CRYBG1: variants seen among roughly 807,000 people sequenced by gnomAD.
The protein encoded by CRYBG1 is beta/gamma crystallin domain-containing protein 1.
Under a neutral mutation model 189.2 loss-of-function variants are expected in CRYBG1, and 139 were observed. The observed-to-expected ratio is 0.73, with a 90% confidence interval of 0.64 to 0.85. The LOEUF is 0.85. CRYBG1 is among the 40% of genes least tolerant of loss of function. The pLI, the probability that CRYBG1 is intolerant of heterozygous loss-of-function variation, is 0.00. For synonymous variants in CRYBG1, 1,023 were observed against 1,017.1 expected (o/e 1.01, Z -0.11); for missense variants, 2,611 against 2,675.8 (o/e 0.98, Z 0.53).
intron 9 of CRYBG1, among the ~76,000 whole-genome samples, 196 bp downstream of exon 9, chr6:106,539,725 G>A (rs899651352): frequency 4.1e-5 from 6 of 147,304 alleles, no homozygotes. Context: ...AAAAAAGGCA[G>A]GTAAGACTAT....
At chr6:106,432,902 C>A (rs1378180252) in intron 1 of CRYBG1, among the ~76,000 whole-genome samples, 1 of 145,544 alleles carries the variant, frequency 6.9e-6, no homozygotes, top group East Asian at 2.0e-4. Context: ...TGCAGTGACG[C>A]CATCTCGGCT....
intron 1 of CRYBG1, among the ~76,000 whole-genome samples, chr6:106,368,581 C>G (rs528062711): frequency 6.6e-6 from 1 of 152,266 alleles, no homozygotes; most frequent in South Asian, 2.1e-4. Context: ...TAAAACATAG[C>G]TGCATTGGGC....
In CRYBG1 at chr6:106,560,951, G is replaced by A. The variant is rs1218339871; in HGVS notation, c.5979+25G>A. ...GGTATTTTCTTCCTCTCCATGCTCT[G>A]CATAGACTCTTCTCTGAAATTTTTT... On this transcript the variant is annotated intron_variant, in intron 19 of 21. Coordinates refer to ENST00000633556, the MANE Select transcript of CRYBG1 (RefSeq NM_001371242.2). The A allele has an allele frequency of 2.6e-6, 4 of 1,542,178 alleles. No individual in the cohort carries two copies. The South Asian group carries it at 4.9e-5, about 19-fold the overall frequency.
Position 106,520,860 on chromosome 6 carries a change from G to T in CRYBG1, c.3652G>T (p.Glu1218Ter). The T allele has an allele frequency of 6.2e-7, 1 of 1,614,122 alleles. No homozygotes were observed. Among genetic ancestry groups the T allele is most frequent in the Non-Finnish European group, 8.5e-7 (1 of 1,180,004 alleles). Residue 1218 changes from glutamate to a stop codon, truncating the protein, a stop_gained, in exon 4 of 22, where the codon GAA (glutamate) becomes TAA (stop). Transcript: ENST00000633556. LOFTEE classifies it high-confidence loss of function. ...NGNSEPLVMPEINDKENRDVT... is the reference protein window; with the variant it reads ...NGNSEPLVMP ...GAACAGTGAGCCTCTGGTGATGCCG[G>T]AAATCAATGACAAAGAGAACAGGGA...
chr6:106,547,203 CACACACACA>C (rs771159924), intron 13 of CRYBG1, among the ~76,000 whole-genome samples: 3 of 147,114 alleles, frequency 2.0e-5, no homozygotes, highest in South Asian at 2.2e-4. Context: ...CACACACACA[CACACACACA>C]CCACTTCCTT....
At chr6:106,434,562 C>G (rs952688251) in intron 1 of CRYBG1, among the ~76,000 whole-genome samples, 2 of 152,272 alleles carry the variant, frequency 1.3e-5, no homozygotes, top group East Asian at 1.9e-4. Context: ...GCCAAGCAAG[C>G]CTCTAGACTC....
At position 106,520,142 on chromosome 6, in the gene CRYBG1, C is replaced by G; in HGVS notation, c.2934C>G (p.Ser978Arg). ...TGAGCTCCCAGGTCATCCCAGAGAG[C>G]TCTGAAGTTAGAGAAGTGCAGTTGC... Reference protein sequence around the residue: ...QDVSSQVIPESSEVREVQLPT... With the variant: ...QDVSSQVIPERSEVREVQLPT... Residue 978 changes from serine (S) to arginine (R), a missense_variant, in exon 4 of 22, where the codon AGC becomes AGG. Physicochemically the swap from Ser to Arg is moderately radical, Grantham distance 110 (BLOSUM62 -1). This residue lies in a region of CRYBG1 where 1,622 missense variants were observed against 1,735.0 expected (regional missense o/e 0.93). Coordinates refer to ENST00000633556, the MANE Select transcript of CRYBG1 (RefSeq NM_001371242.2). 6.2e-7 allele frequency: 1 copy of G among 1,614,138 alleles called. No individual in the cohort carries two copies. Among genetic ancestry groups the G allele is most frequent in the Non-Finnish European group, 8.5e-7 (1 of 1,180,030 alleles).
rs761517241 is a variant in CRYBG1, at chr6:106,555,819, A to G, written c.5637A>G (p.Glu1879=). ...ENFTGNQYVL[E]EGHYPCLSAM... ...TCACTGGTAATCAATACGTGTTGGA[A>G]GAAGGCCATTATCCTTGTCTGTCTG... The change falls in exon 17 of 22, where the codon GAA becomes GAG. Residue 1879 remains glutamate, a synonymous_variant. Coordinates refer to ENST00000633556, the MANE Select transcript of CRYBG1 (RefSeq NM_001371242.2). The G allele has an allele frequency of 6.2e-7, 1 of 1,614,220 alleles. No homozygotes were observed. Among genetic ancestry groups the G allele is most frequent in the Admixed American group, 1.7e-5 (1 of 60,026 alleles).
At chr6:106,456,413 C>T (rs1256147785) in intron 2 of CRYBG1, among the ~76,000 whole-genome samples, 1 of 151,922 alleles carries the variant, frequency 6.6e-6, no homozygotes, top group African/African-American at 2.4e-5. Flanking sequence ...CTGCCTGCCT[C>T]AGCCTCCCAA....
intron 13 of CRYBG1, among the ~76,000 whole-genome samples, chr6:106,546,584 A>G (rs911888268): frequency 6.6e-6 from 1 of 152,222 alleles, no homozygotes; most frequent in Admixed American, 6.5e-5. Flanking sequence ...AGGCCGTTGC[A>G]TGTGGTGCCA....
At chr6:106,517,327 TACACATATATATATACACACAC>T (rs1773449135) in intron 3 of CRYBG1, among the ~76,000 whole-genome samples, 4 of 117,036 alleles carry the variant, frequency 3.4e-5, no homozygotes, top group African/African-American at 1.3e-4. Flanking sequence ...CATATATATA[TACACATATATATATACACACAC>T]ATATATATAT....
chr6:106,526,220 G>A (rs1742037336), intron 6 of CRYBG1, among the ~76,000 whole-genome samples: 1 of 152,098 alleles, frequency 6.6e-6, no homozygotes, highest in African/African-American at 2.4e-5. Flanking sequence ...TAAATATGCA[G>A]CAGCTTTCCT....
At chr6:106,455,595 T>C (rs1025028403) in intron 2 of CRYBG1, among the ~76,000 whole-genome samples, 2 of 152,136 alleles carry the variant, frequency 1.3e-5, no homozygotes, top group Non-Finnish European at 2.9e-5. Flanking sequence ...ATTTCTAGTA[T>C]AAAAATATTT....
intron 1 of CRYBG1, among the ~76,000 whole-genome samples, chr6:106,434,265 T>C (rs1046127318): frequency 6.6e-6 from 1 of 152,178 alleles, no homozygotes; most frequent in Non-Finnish European, 1.5e-5. Context: ...TCACCACTTC[T>C]GTATAAGAGA....
intron 1 of CRYBG1, among the ~76,000 whole-genome samples, chr6:106,440,735 A>G (rs187789398): frequency 2.0e-5 from 3 of 152,366 alleles, no homozygotes; most frequent in Admixed American, 6.5e-5. Flanking sequence ...AATCATCAAC[A>G]TGTGGTAACA....
chr6:106,375,297 G>A (rs993390064), intron 1 of CRYBG1, among the ~76,000 whole-genome samples: 2 of 152,066 alleles, frequency 1.3e-5, no homozygotes, highest in Non-Finnish European at 2.9e-5. Flanking sequence ...GAGACAGGAG[G>A]ATTGCTTGAG....
intron 2 of CRYBG1, among the ~76,000 whole-genome samples, chr6:106,487,286 T>G (rs1025783479): frequency 2.0e-5 from 3 of 152,204 alleles, no homozygotes; most frequent in African/African-American, 7.2e-5. Context: ...TTTTTTACCT[T>G]TTTGACTTTA....
chr6:106,362,882 T>G (rs1313191158), intron 1 of CRYBG1, among the ~76,000 whole-genome samples: 1 of 152,242 alleles, frequency 6.6e-6, no homozygotes, highest in East Asian at 1.9e-4. Flanking sequence ...TATCATTTAC[T>G]GTCTATCAAA....
rs1258631962 is a variant in CRYBG1, at chr6:106,551,853, T to C, written c.5314T>C (p.Trp1772Arg). The change falls in exon 14 of 22, where the codon TGG becomes CGG. Residue 1772 changes from tryptophan to arginine, a missense_variant and splice_region_variant. Around this residue, in one of 3 missense-constraint regions of CRYBG1, gnomAD observed 1,622 missense variants for 1,735.0 expected, o/e 0.93. Transcript: ENST00000633556. ...CAAGTGATTGCTTTTGTTTCTTAGA[T>C]GGGTAGCCTATGAAAATCCTGACTT... ...TQSINVLSGV[W>R]VAYENPDFTG... 5.6e-6 allele frequency: 9 copies of C among 1,611,708 alleles called. No homozygotes were observed. The highest frequency in any genetic ancestry group is 7.6e-6 in the Non-Finnish European group (9 of 1,178,582).
Sources: gnomAD v4.1 joint callset for allele counts (sites outside exome capture counted in the v4.1 genomes callset) on GRCh38, gnomAD v4.1.1 for gene constraint, gnomAD v4.1.1 regional missense constraint, MANE v1.5 for transcripts, NCBI Gene and HGNC (gene_info 2026-07-23, HGNC 2026-07-21) for gene names.